The following PUS10 variants were observed in gnomAD, a reference collection of about 807,000 sequenced individuals.
PUS10 encodes the protein pseudouridine synthase 10.
A neutral mutation model predicts 75.0 loss-of-function variants in PUS10; 59 were observed. That is an observed-to-expected ratio of 0.79 (90% confidence interval 0.64 to 0.98). The LOEUF is 0.98. Ranked by LOEUF, PUS10 falls within the 50% of genes least tolerant of loss-of-function variation. The pLI is 0.00. For missense variants in PUS10, 650 were observed against 614.4 expected (o/e 1.06, Z -0.61); for synonymous variants, 219 against 211.6 (o/e 1.03, Z -0.30).
At chr2:60,978,752 A>G (rs2104472338) in intron 4 of PUS10, among the ~76,000 whole-genome samples, 1 of 152,352 alleles carries the variant, frequency 6.6e-6, no homozygotes, top group East Asian at 1.9e-4. Context: ...ATTAGAAGAA[A>G]AAGATGGGAA....
intron 4 of PUS10, chr2:60,998,822 G>C (rs1678655326): frequency 6.6e-6 from 1 of 152,206 alleles, no homozygotes; most frequent in Non-Finnish European, 1.5e-5. Flanking sequence ...GTCAGGCCTG[G>C]TTAGCACTTG....
At chr2:60,952,340 A>G (rs1401605359) in intron 15 of PUS10, among the ~76,000 whole-genome samples, 1 of 151,318 alleles carries the variant, frequency 6.6e-6, no homozygotes, top group Non-Finnish European at 1.5e-5. Flanking sequence ...GTCTCAAAAA[A>G]AAAAAAAAAA....
intron 4 of PUS10, among the ~76,000 whole-genome samples, chr2:60,999,732 T>G (rs779253974): frequency 2.1e-4 from 32 of 152,204 alleles, no homozygotes; most frequent in African/African-American, 7.7e-4. Flanking sequence ...TTTCTTTCTA[T>G]GTATCTTGGC....
At chr2:60,990,153 C>T (rs949507198) in intron 4 of PUS10, among the ~76,000 whole-genome samples, 6 of 151,988 alleles carry the variant, frequency 3.9e-5, no homozygotes, top group African/African-American at 1.4e-4. Flanking sequence ...TACTCACACG[C>T]ACGCACGGGA....
chr2:60,965,322 T>A, intron 7 of PUS10, 101 bp downstream of exon 7: 1 of 1,068,216 alleles, frequency 9.4e-7, no homozygotes, highest in South Asian at 1.3e-5. Flanking sequence ...ACATAACAAG[T>A]TCTTCTCTTT....
In PUS10 at chr2:61,011,838, G is replaced by C. The variant is rs147445494; in HGVS notation, c.53C>G (p.Thr18Ser). The C allele has an allele frequency of 6.2e-7, 1 of 1,610,426 alleles. No homozygotes were observed. Among genetic ancestry groups the C allele is most frequent in the East Asian group, 2.2e-5 (1 of 44,620 alleles). Residue 18 changes from threonine (T) to serine (S), a missense_variant, in exon 2 of 18, where the codon ACT (threonine) becomes AGT (serine). Physicochemically the swap from Thr to Ser is moderately conservative, Grantham distance 58 (BLOSUM62 1). Coordinates refer to ENST00000316752, the MANE Select transcript of PUS10 (RefSeq NM_144709.4). The stretch of plus-strand genomic sequence containing the variant: ...GAAGATACATCTTGGACAAGTACCA[G>C]TATTGAGCAACAACTGGGCCACATG... ...NKHVAQLLLN[T>S]GTCPRCIFRF...
intron 6 of PUS10, chr2:60,967,025 CT>C (rs1676379411): frequency 6.5e-6 from 1 of 153,048 alleles, no homozygotes; most frequent in Admixed American, 6.5e-5. Context: ...AAGGCAGTTA[CT>C]GCCTAAAAGT....
chr2:60,961,092 A>G (rs1357955001), intron 10 of PUS10, among the ~76,000 whole-genome samples: 2 of 152,170 alleles, frequency 1.3e-5, no homozygotes, highest in Non-Finnish European at 2.9e-5. Context: ...CATTTTGGAG[A>G]TAATAAGTTA....
At chr2:60,948,679 A>G (rs1423895269) in intron 15 of PUS10, among the ~76,000 whole-genome samples, 4 of 152,210 alleles carry the variant, frequency 2.6e-5, no homozygotes, top group Non-Finnish European at 4.4e-5. Flanking sequence ...TATAATAATT[A>G]CAAATCGATG....
chr2:60,953,898 C>CCAATGAGCCTA, intron 14 of PUS10, 35 bp downstream of exon 14: 1 of 1,576,140 alleles, frequency 6.3e-7, no homozygotes, highest in South Asian at 1.1e-5. Context: ...CTAAAACGTC[C>CCAATGAGCCTA]CTTTTGAAAT....
At chr2:60,961,754 A>C (rs186874245) in intron 9 of PUS10, among the ~76,000 whole-genome samples, 1 of 152,204 alleles carries the variant, frequency 6.6e-6, no homozygotes, top group African/African-American at 2.4e-5. Context: ...CTCTGCTGCT[A>C]CCTTTCACCT....
chr2:60,959,899 C>T (rs1222114796), intron 11 of PUS10, among the ~76,000 whole-genome samples: 4 of 152,034 alleles, frequency 2.6e-5, no homozygotes, highest in Non-Finnish European at 5.9e-5. Flanking sequence ...AAATATATGG[C>T]CAAGTGCAGT....
At position 61,006,249 on chromosome 2, in the gene PUS10, A is replaced by G. The variant is rs144414483; in HGVS notation, c.468+308T>C. 2.4e-4 allele frequency among the ~76,000 whole-genome samples: 36 copies of G among 152,330 alleles called. No individual in the cohort carries two copies. The East Asian group carries it at 6.6e-3, about 28-fold the overall frequency. ...CAAAAGATCTCTGGAAACCTAGTCA[A>G]ATCTCTTTCTCTGACCATCATGCCT... On this transcript the variant is annotated intron_variant, in intron 4 of 17. Coordinates refer to ENST00000316752, the MANE Select transcript of PUS10 (RefSeq NM_144709.4).
At chr2:60,991,406 A>G (rs1678067666) in intron 4 of PUS10, among the ~76,000 whole-genome samples, 1 of 152,220 alleles carries the variant, frequency 6.6e-6, no homozygotes. Context: ...ATTAAGAGAT[A>G]CAAGGAATCC....
intron 4 of PUS10, among the ~76,000 whole-genome samples, chr2:61,001,927 G>T (rs1340113753): frequency 1.3e-5 from 2 of 151,810 alleles, no homozygotes; most frequent in Non-Finnish European, 2.9e-5. Flanking sequence ...ATTTTTCTTT[G>T]CCTTTTCTTT....
At chr2:61,015,152 G>T (rs901582689) in intron 1 of PUS10, among the ~76,000 whole-genome samples, 1 of 152,114 alleles carries the variant, frequency 6.6e-6, no homozygotes, top group Admixed American at 6.6e-5. Flanking sequence ...GTAAATTTGG[G>T]CTCCAGGGTA....
At chr2:60,967,367 C>T in intron 6 of PUS10, 135 bp downstream of exon 6, 1 of 593,346 alleles carries the variant, frequency 1.7e-6, no homozygotes, top group Non-Finnish European at 3.0e-6. Flanking sequence ...CAGAATTTAA[C>T]ATTTTAAAAG....
intron 17 of PUS10, among the ~76,000 whole-genome samples, chr2:60,943,075 A>G (rs1674718863): frequency 6.6e-6 from 1 of 151,604 alleles, no homozygotes; most frequent in Admixed American, 6.6e-5. Flanking sequence ...GGGTAAAAGT[A>G]GCAAACAAAT....
chr2:60,974,431 C>T (rs969211304), intron 4 of PUS10, among the ~76,000 whole-genome samples: 2 of 152,194 alleles, frequency 1.3e-5, no homozygotes, highest in Admixed American at 1.3e-4. Context: ...CCTCATTCTT[C>T]CTGGACGCAA....
Sources: gnomAD v4.1 joint callset for allele counts (sites outside exome capture counted in the v4.1 genomes callset) on GRCh38, gnomAD v4.1.1 for gene constraint, MANE v1.5 for transcripts, NCBI Gene and HGNC (gene_info 2026-07-23, HGNC 2026-07-21) for gene names.